The following STPG2 variants were observed in gnomAD, a reference collection of about 807,000 sequenced individuals.
STPG2 encodes the protein sperm-tail PG-rich repeat-containing protein 2.
A neutral mutation model predicts 54.2 loss-of-function variants in STPG2; 56 were observed. That is an observed-to-expected ratio of 1.03 (90% CI 0.83 to 1.29). STPG2 has a LOEUF of 1.29. Ranked by LOEUF, STPG2 falls within the 50% of genes most tolerant of loss-of-function variation. The probability of loss-of-function intolerance (pLI) is 0.00; values close to 1 mark genes in which losing one functional copy is unlikely to be tolerated. For missense variants in STPG2, 596 were observed against 544.9 expected (o/e 1.09, Z -0.93); for synonymous variants, 200 against 181.8 (o/e 1.10, Z -0.81).
chr4:97,583,504 A>G (rs1158733521), intron 10 of STPG2, among the ~76,000 whole-genome samples: 1 of 151,890 alleles, frequency 6.6e-6, no homozygotes, highest in African/African-American at 2.4e-5. Context: ...TTTCACATGA[A>G]CTGACAGAAA....
chr4:97,710,317 G>C (rs1377255172), intron 10 of STPG2, among the ~76,000 whole-genome samples: 1 of 151,942 alleles, frequency 6.6e-6, no homozygotes, highest in Non-Finnish European at 1.5e-5. Context: ...AAAATGGAGA[G>C]AGAACTAAAT....
At chr4:97,863,458 G>A (rs561159084) in intron 8 of STPG2, among the ~76,000 whole-genome samples, 1 of 152,164 alleles carries the variant, frequency 6.6e-6, no homozygotes, top group East Asian at 1.9e-4. Context: ...ATAATTAATA[G>A]CTTACCAACC....
intron 5 of STPG2, among the ~76,000 whole-genome samples, chr4:98,050,345 T>C (rs1216440231): frequency 3.3e-5 from 5 of 152,222 alleles, no homozygotes; most frequent in South Asian, 2.1e-4. Context: ...TGACCATGAA[T>C]TGAAAATTAT....
intron 10 of STPG2, among the ~76,000 whole-genome samples, chr4:97,678,746 G>C (rs1722933129): frequency 6.6e-6 from 1 of 151,430 alleles, no homozygotes; most frequent in Admixed American, 6.6e-5. Context: ...TTTAGCATTA[G>C]GTATATCTCC....
At chr4:97,990,649 G>A (rs186209864) in intron 5 of STPG2, among the ~76,000 whole-genome samples, 1 of 152,094 alleles carries the variant, frequency 6.6e-6, no homozygotes, top group African/African-American at 2.4e-5. Flanking sequence ...CACTACCATA[G>A]CATCTTTTAG....
chr4:97,674,661 C>A (rs1722787739), intron 10 of STPG2, among the ~76,000 whole-genome samples: 1 of 152,200 alleles, frequency 6.6e-6, no homozygotes, highest in Admixed American at 6.5e-5. Flanking sequence ...ATCCTTTCAA[C>A]ACTAGTTGCC....
chr4:97,662,080 T>C (rs1722390496), intron 10 of STPG2, among the ~76,000 whole-genome samples: 1 of 152,130 alleles, frequency 6.6e-6, no homozygotes, highest in African/African-American at 2.4e-5. Flanking sequence ...AAATAAATTA[T>C]CAATAGAGTA....
At position 97,539,880 on chromosome 4, in the gene STPG2, G is replaced by A. The variant is rs987419958; in HGVS notation, c.462+172819C>T. The stretch of plus-strand genomic sequence containing the variant: ...AACAACCTGCTCCTGGATGACTACT[G>A]GGTACATAACGAAATGAAGGCAGAA... On this transcript the variant is annotated intron_variant, in intron 4 of 4. Transcript: ENST00000522676. Among the ~76,000 whole-genome samples, 2 of 152,254 alleles carry A rather than the reference G, an allele frequency of 1.3e-5. 1 individual carries two copies. Among genetic ancestry groups the A allele is most frequent in the South Asian group, 4.1e-4 (2 of 4,830 alleles).
In STPG2 at chr4:98,013,580, CTTTTTTTTTTTTTTTTTTT is replaced by C. The variant is rs34198207; in HGVS notation, c.613-32281_613-32263del. Among the ~76,000 whole-genome samples the C allele has an allele frequency of 5.4e-3, 404 of 74,634 alleles. 1 individual carries two copies. The highest frequency in any genetic ancestry group is 7.8e-3 in the Non-Finnish European group (321 of 40,954). 49.0% of individuals were successfully genotyped at this position (74,634 alleles called of 152,430 possible). A position where few individuals can be genotyped will look rare whatever the true frequency, so the allele number is the denominator to read the frequency against. On this transcript the variant is annotated intron_variant, in intron 5 of 10. Coordinates refer to ENST00000295268, the MANE Select transcript of STPG2 (RefSeq NM_174952.3). ...GGCTGTGAATCCATCTGGTCCTGGG[CTTTTTTTTTTTTTTTTTTT>C]TTTTTTTTTTGGTTAGTAGGCTATT...
At chr4:97,670,346 C>T (rs1248991840) in intron 10 of STPG2, among the ~76,000 whole-genome samples, 1 of 151,924 alleles carries the variant, frequency 6.6e-6, no homozygotes, top group Non-Finnish European at 1.5e-5. Context: ...CAAAAAGATT[C>T]CATAATTTTC....
At chr4:97,919,133 A>T (rs940344398) in intron 8 of STPG2, among the ~76,000 whole-genome samples, 2 of 152,182 alleles carry the variant, frequency 1.3e-5, no homozygotes, top group African/African-American at 2.4e-5. Context: ...ACATGAATTA[A>T]AAAACATCTT....
chr4:97,970,618 T>C lies in STPG2; in HGVS notation c.933+1662A>G, dbSNP rs150476543. 1.9e-3 allele frequency among the ~76,000 whole-genome samples: 294 copies of C among 152,308 alleles called. 7 individuals carry two copies. The East Asian group carries it at 0.051, about 26-fold the overall frequency. ...AACTGGCTAGCCATATGTAGAAAGC[T>C]GAAACTGGATCCCTTCCTTACACCT... On this transcript the variant is annotated intron_variant, in intron 7 of 10. Coordinates refer to ENST00000295268, the MANE Select transcript of STPG2 (RefSeq NM_174952.3).
At chr4:98,012,786 T>C (rs1735799827) in intron 5 of STPG2, among the ~76,000 whole-genome samples, 1 of 152,216 alleles carries the variant, frequency 6.6e-6, no homozygotes, top group Non-Finnish European at 1.5e-5. Context: ...CTTGTGATTT[T>C]TGCACACTGA....
At chr4:97,787,891 A>C (rs1371062563) in intron 9 of STPG2, among the ~76,000 whole-genome samples, 13 of 151,648 alleles carry the variant, frequency 8.6e-5, no homozygotes. Flanking sequence ...AGATATTGAC[A>C]TATAGCTATT....
At chr4:98,062,106 C>T (rs548531318) in intron 5 of STPG2, among the ~76,000 whole-genome samples, 2 of 152,284 alleles carry the variant, frequency 1.3e-5, no homozygotes, top group East Asian at 1.9e-4. Flanking sequence ...CCATGGAATA[C>T]TATGCAGCCA....
At chr4:98,076,278 A>T (rs948470012) in intron 5 of STPG2, among the ~76,000 whole-genome samples, 12 of 152,028 alleles carry the variant, frequency 7.9e-5, no homozygotes, top group Non-Finnish European at 1.3e-4. Flanking sequence ...ATGAGTAGTG[A>T]ACCATCCACG....
intron 10 of STPG2, among the ~76,000 whole-genome samples, chr4:97,579,900 A>G (rs919234805): frequency 2.0e-5 from 3 of 152,040 alleles, no homozygotes; most frequent in African/African-American, 7.2e-5. Context: ...ACTTATACAT[A>G]TAGCCATCAA....
intron 10 of STPG2, among the ~76,000 whole-genome samples, chr4:97,573,006 G>A (rs1163893511): frequency 6.6e-6 from 1 of 151,986 alleles, no homozygotes; most frequent in East Asian, 1.9e-4. Flanking sequence ...AATCCTCAGG[G>A]TAATTTGTAG....
At chr4:97,585,290 G>A (rs1473119268) in intron 10 of STPG2, among the ~76,000 whole-genome samples, 1 of 151,836 alleles carries the variant, frequency 6.6e-6, no homozygotes, top group Non-Finnish European at 1.5e-5. Context: ...AGGATATCCA[G>A]TGAACACCAT....
Sources: allele counts gnomAD v4.1 joint callset (sites outside exome capture counted in the v4.1 genomes callset), GRCh38; gene constraint gnomAD v4.1.1; transcripts MANE v1.5; gene names NCBI Gene and HGNC (gene_info 2026-07-23, HGNC 2026-07-21).